The following LRRC8A variants were observed in gnomAD, a reference collection of about 807,000 sequenced individuals.
The protein encoded by LRRC8A is leucine rich repeat containing 8 VRAC subunit A, also known as volume-regulated anion channel subunit LRRC8A.
Under a neutral mutation model 52.5 loss-of-function variants are expected in LRRC8A, and 24 were observed. That is an observed-to-expected ratio of 0.46 (90% confidence interval 0.33 to 0.64). The LOEUF is 0.64. LRRC8A is among the 30% of genes least tolerant of loss of function. The pLI is 0.02. For synonymous variants in LRRC8A, 492 were observed against 494.2 expected, an observed-to-expected ratio of 1.00 and a Z score of 0.06; for missense variants, 677 against 1,094.7, an observed-to-expected ratio of 0.62 and a Z score of 5.38.
intron 2 of LRRC8A, among the ~76,000 whole-genome samples, chr9:128,896,951 T>C (rs1839845007): frequency 2.0e-5 from 3 of 152,150 alleles, no homozygotes; most frequent in African/African-American, 7.2e-5. Context: ...CTCAAACTCC[T>C]GACCTCAAAT....
chr9:128,907,157 G>A lies in LRRC8A; in HGVS notation c.-8G>A. 1 of 1,603,070 alleles carries A rather than the reference G, an allele frequency of 6.2e-7. No homozygotes were observed. On this transcript the variant is annotated splice_region_variant and 5_prime_UTR_variant, in exon 3 of 4. Coordinates refer to ENST00000372600, the MANE Select transcript of LRRC8A (RefSeq NM_019594.4). The surrounding 1 kb of genome is among the most constrained non-coding windows in gnomAD (Gnocchi z 9.3). Reference sequence around the variant, plus strand: ...CCCCCCTCCTATGGCTCCCTTTTAGGTTGAACCATGATTCCGGTGACAGAG... The same window carrying A: ...CCCCCCTCCTATGGCTCCCTTTTAGATTGAACCATGATTCCGGTGACAGAG...
rs138574602 is a variant in LRRC8A, at chr9:128,891,638, C to T, written c.-9+5517C>T. 8.9e-3 allele frequency among the ~76,000 whole-genome samples: 1,360 copies of T among 152,316 alleles called. 10 individuals are homozygous for T. The highest frequency in any genetic ancestry group is 0.024 in the Middle Eastern group (7 of 294). ...CCCAACACTGCCTTCTGGCCCTAAACCCAGGGCTAGGCTCCCTTCCAGAGC... is the reference window on the plus strand; with the variant it reads ...CCCAACACTGCCTTCTGGCCCTAAATCCAGGGCTAGGCTCCCTTCCAGAGC... On this transcript the variant is annotated intron_variant, in intron 2 of 3. Coordinates refer to ENST00000372600, the MANE Select transcript of LRRC8A (RefSeq NM_019594.4).
In LRRC8A at chr9:128,908,145, C is replaced by G; in HGVS notation, c.981C>G (p.Ser327Arg). Residue 327 changes from serine to arginine, a missense_variant, in exon 3 of 4, where the codon AGC (serine) becomes AGG (arginine). By Grantham distance (110) the Ser-to-Arg change is moderately radical. Coordinates refer to ENST00000372600, the MANE Select transcript of LRRC8A (RefSeq NM_019594.4). ...AGATCCTGGCGTCCTTCTACATCAG[C>G]CTAGTCATCTTCTACGGCCTCATCT... ...LFKILASFYI[S>R]LVIFYGLICM... The G allele has an allele frequency of 6.2e-7, 1 of 1,614,032 alleles. No individual in the cohort carries two copies. Among genetic ancestry groups the G allele is most frequent in the East Asian group, 2.2e-5 (1 of 44,878 alleles).
Position 128,907,956 on chromosome 9 carries a change from C to T in LRRC8A, c.792C>T (p.Tyr264=). Residue 264 remains tyrosine (Y), a synonymous_variant, in exon 3 of 4, where the codon TAC becomes TAT. Transcript: ENST00000372600. This position sits in a 1 kb window ranked among gnomAD's most constrained non-coding sequence, Gnocchi z 9.3. ...AGGGGGACATTGTGTACCGCCTCTACATGCGGCAGACCATCATCAAGGTGA... is the reference window on the plus strand; with the variant it reads ...AGGGGGACATTGTGTACCGCCTCTATATGCGGCAGACCATCATCAAGGTGA... ...VEEGDIVYRL[Y]MRQTIIKVIK... The T allele has an allele frequency of 1.2e-6, 2 of 1,614,160 alleles. No individual in the cohort carries two copies. Among genetic ancestry groups the T allele is most frequent in the East Asian group, 2.2e-5 (1 of 44,874 alleles).
At chr9:128,910,877 G>A (rs561580031) in intron 3 of LRRC8A, among the ~76,000 whole-genome samples, 2 of 152,266 alleles carry the variant, frequency 1.3e-5, no homozygotes, top group South Asian at 2.1e-4. Context: ...GGCAACCCGC[G>A]TTTCTTAGTT....
At chr9:128,900,598 C>T (rs1389460256) in intron 2 of LRRC8A, among the ~76,000 whole-genome samples, 1 of 151,944 alleles carries the variant, frequency 6.6e-6, no homozygotes, top group Non-Finnish European at 1.5e-5. Context: ...ATCCTAGCTA[C>T]TCAGGAGACT....
chr9:128,912,377 C>A (rs964268636), intron 3 of LRRC8A, among the ~76,000 whole-genome samples: 1 of 152,028 alleles, frequency 6.6e-6, no homozygotes, highest in Non-Finnish European at 1.5e-5. Context: ...AGGAACAGGC[C>A]CCTGAAGAAC....
chr9:128,907,057 T>G lies in LRRC8A; in HGVS notation c.-8-100T>G. 2.0e-6 allele frequency: 2 copies of G among 1,022,706 alleles called. No homozygotes were observed. Among genetic ancestry groups the G allele is most frequent in the Non-Finnish European group, 2.9e-6 (2 of 694,606 alleles). 63.4% of individuals were successfully genotyped at this position (1,022,706 alleles called of 1,614,324 possible). On this transcript the variant is annotated intron_variant, in intron 2 of 3. Coordinates refer to ENST00000372600, the MANE Select transcript of LRRC8A (RefSeq NM_019594.4). This position sits in a 1 kb window ranked among gnomAD's most constrained non-coding sequence, Gnocchi z 9.3. ...CCCAGCTAGATTTGAGGTGGAATTT[T>G]GGACAATGGAAGAATTTTCATTGTC...
chr9:128,891,196 C>A (rs56158725), intron 2 of LRRC8A, among the ~76,000 whole-genome samples: 1 of 151,872 alleles, frequency 6.6e-6, no homozygotes, highest in Non-Finnish European at 1.5e-5. Context: ...CACTTGAACC[C>A]GGGAGGCGAA....
chr9:128,903,713 C>T (rs1216759062), intron 2 of LRRC8A, among the ~76,000 whole-genome samples: 3 of 151,208 alleles, frequency 2.0e-5, no homozygotes, highest in East Asian at 2.0e-4. Context: ...GTGCCTGGCC[C>T]GAGAAGTGCT....
At position 128,908,873 on chromosome 9, in the gene LRRC8A, A is replaced by G. The variant is rs745998523; in HGVS notation, c.1709A>G (p.Gln570Arg). 2 of 1,613,778 alleles carry G rather than the reference A, an allele frequency of 1.2e-6. No individual in the cohort carries two copies. The highest frequency in any genetic ancestry group is 1.7e-6 in the Non-Finnish European group (2 of 1,180,036). The change falls in exon 3 of 4, where the codon CAG becomes CGG. Residue 570 changes from glutamine to arginine, a missense_variant. Gln to Arg is a conservative substitution (Grantham distance 43, BLOSUM62 1). Coordinates refer to ENST00000372600, the MANE Select transcript of LRRC8A (RefSeq NM_019594.4). ...GTCACAGATGTGGGCGTGCACCTGC[A>G]GAAGCTGTCCATCAACAATGAGGGC... ...QVVTDVGVHL[Q>R]KLSINNEGTK...
At chr9:128,888,370 G>A (rs1839477987) in intron 2 of LRRC8A, among the ~76,000 whole-genome samples, 1 of 152,078 alleles carries the variant, frequency 6.6e-6, no homozygotes, top group African/African-American at 2.4e-5. Flanking sequence ...CTGGGTTCAG[G>A]GGACACACAT....
At chr9:128,895,241 C>G (rs919016982) in intron 2 of LRRC8A, among the ~76,000 whole-genome samples, 1 of 151,846 alleles carries the variant, frequency 6.6e-6, no homozygotes, top group Admixed American at 6.6e-5. Context: ...TGTAGAAGCT[C>G]GGGAGGCTGA....
intron 1 of LRRC8A, among the ~76,000 whole-genome samples, chr9:128,884,312 G>T (rs936439793): frequency 2.6e-5 from 4 of 152,232 alleles, no homozygotes. Context: ...GGCACACACT[G>T]ATGGGCCAAG....
Position 128,892,062 on chromosome 9 carries a change from C to T in LRRC8A, c.-9+5941C>T, listed in dbSNP as rs1839643521. On this transcript the variant is annotated intron_variant, in intron 2 of 3. Transcript: ENST00000372600. The surrounding 1 kb of genome is among the most constrained non-coding windows in gnomAD (Gnocchi z 5.2). ...ATGGACTGTCTCCTTCTGTCCTCAT[C>T]ACAGCCCTCCAAGCAATAGACTTGT... Among the ~76,000 whole-genome samples the T allele has an allele frequency of 6.6e-6, 1 of 152,248 alleles. No homozygotes were observed.
At chr9:128,909,440 C>A in intron 3 of LRRC8A, 119 bp downstream of exon 3, 1 of 976,330 alleles carries the variant, frequency 1.0e-6, no homozygotes, top group Non-Finnish European at 1.5e-6. Context: ...GTGTGGAGTC[C>A]TCACCTGGGG....
intron 1 of LRRC8A, among the ~76,000 whole-genome samples, chr9:128,883,581 G>A (rs1285793290): frequency 6.6e-6 from 1 of 152,226 alleles, no homozygotes; most frequent in Non-Finnish European, 1.5e-5. Context: ...CCAGGGATGA[G>A]TGACTGGGTG....
At chr9:128,898,589 C>T (rs981286227) in intron 2 of LRRC8A, among the ~76,000 whole-genome samples, 14 of 152,246 alleles carry the variant, frequency 9.2e-5, no homozygotes, top group Non-Finnish European at 1.6e-4. Flanking sequence ...CACATCCACC[C>T]GCAGGCTCTG....
At chr9:128,906,316 A>ATT (rs71383620) in intron 2 of LRRC8A, among the ~76,000 whole-genome samples, 8,792 of 78,834 alleles carry the variant, frequency 0.11, 514 homozygotes, top group Middle Eastern at 0.24. Flanking sequence ...CCCATGTGGA[A>ATT]TTTTTTTTTT....
Sources: allele counts gnomAD v4.1 joint callset (sites outside exome capture counted in the v4.1 genomes callset), GRCh38; gene constraint gnomAD v4.1.1; non-coding constraint Gnocchi (gnomAD v3.1); transcripts MANE v1.5; gene names NCBI Gene and HGNC (gene_info 2026-07-23, HGNC 2026-07-21).